PRKG1: variants seen among roughly 807,000 people sequenced by gnomAD.
PRKG1 encodes protein kinase cGMP-dependent 1.
A neutral mutation model predicts 88.1 loss-of-function variants in PRKG1; 35 were observed. That is an observed-to-expected ratio of 0.40 (90% CI 0.30 to 0.53). The LOEUF is 0.53. Ranked by LOEUF, PRKG1 falls within the 20% of genes least tolerant of loss-of-function variation. PRKG1 has a pLI of 0.59. For synonymous variants in PRKG1, 303 were observed against 292.5 expected (o/e 1.04, Z -0.37); for missense variants, 540 against 839.8 (o/e 0.64, Z 4.41).
intron 5 of PRKG1, among the ~76,000 whole-genome samples, chr10:51,932,800 T>A (rs1264946449): frequency 3.3e-5 from 5 of 152,168 alleles, no homozygotes; most frequent in Non-Finnish European, 4.4e-5. Context: ...ATCTATTGAC[T>A]GCTGCCAGTG....
intron 2 of PRKG1, among the ~76,000 whole-genome samples, chr10:51,161,037 T>G (rs1846347364): frequency 6.6e-6 from 1 of 152,152 alleles, no homozygotes; most frequent in South Asian, 2.1e-4. Context: ...AGCCATACAT[T>G]TTTGCTTTTC....
At chr10:51,866,450 C>T (rs927092318) in intron 4 of PRKG1, among the ~76,000 whole-genome samples, 2 of 151,996 alleles carry the variant, frequency 1.3e-5, no homozygotes, top group Non-Finnish European at 2.9e-5. Flanking sequence ...ATAATTATAA[C>T]ATCAGATAGG....
At chr10:52,014,607 T>C (rs1844987600) in intron 5 of PRKG1, among the ~76,000 whole-genome samples, 1 of 152,168 alleles carries the variant, frequency 6.6e-6, no homozygotes, top group South Asian at 2.1e-4. Flanking sequence ...TACCCCAAAG[T>C]CTTAACTCTT....
rs534039231 is a variant in PRKG1 at position 51,122,674 on chromosome 10, A to C, written c.312-30490A>C. On this transcript the variant is annotated intron_variant, in intron 1 of 17. Transcript: ENST00000373980. ...AAGAAAGAAAAAAGCAGCCAGTGAC[A>C]TCCAGCAACTGATCTGATGCTCATA... Among the ~76,000 whole-genome samples the C allele has an allele frequency of 3.9e-5, 6 of 152,330 alleles. No individual in the cohort carries two copies. The East Asian group carries it at 7.7e-4, about 20-fold the overall frequency.
chr10:51,189,462 G>A (rs994097834), intron 2 of PRKG1, among the ~76,000 whole-genome samples: 6 of 151,824 alleles, frequency 4.0e-5, no homozygotes, highest in African/African-American at 1.4e-4. Context: ...ATTCCTATGA[G>A]CAAATAAGGT....
intron 3 of PRKG1, among the ~76,000 whole-genome samples, chr10:51,632,730 G>T (rs1839557608): frequency 6.6e-6 from 1 of 152,198 alleles, no homozygotes; most frequent in African/African-American, 2.4e-5. Flanking sequence ...TAATGGTTCA[G>T]TTGGGGCCAG....
At chr10:51,643,250 C>T (rs1839842712) in intron 3 of PRKG1, among the ~76,000 whole-genome samples, 1 of 152,096 alleles carries the variant, frequency 6.6e-6, no homozygotes, top group Non-Finnish European at 1.5e-5. Context: ...AAAATGTTTC[C>T]TGTCAATGTT....
intron 3 of PRKG1, among the ~76,000 whole-genome samples, chr10:51,673,845 C>A (rs1840643580): frequency 6.6e-6 from 1 of 152,140 alleles, no homozygotes; most frequent in African/African-American, 2.4e-5. Context: ...TAGCCATAAG[C>A]AGCTATTTAT....
At chr10:51,159,956 G>A (rs1846318520) in intron 2 of PRKG1, among the ~76,000 whole-genome samples, 1 of 105,684 alleles carries the variant, frequency 9.5e-6, no homozygotes, top group Non-Finnish European at 1.8e-5. Flanking sequence ...TGGGCAGCCT[G>A]ATGGTGATGG....
chr10:52,146,264 T>C (rs925209814), intron 8 of PRKG1, among the ~76,000 whole-genome samples: 1 of 152,220 alleles, frequency 6.6e-6, no homozygotes, highest in African/African-American at 2.4e-5. Context: ...CATAGAGACA[T>C]ATAAATATAA....
intron 1 of PRKG1, among the ~76,000 whole-genome samples, chr10:51,130,469 G>A (rs1012003483): frequency 6.6e-6 from 1 of 151,944 alleles, no homozygotes; most frequent in African/African-American, 2.4e-5. Context: ...TTATTTCTTG[G>A]TCTGCTCATT....
At chr10:51,211,380 G>A (rs1323033181) in intron 2 of PRKG1, among the ~76,000 whole-genome samples, 1 of 152,116 alleles carries the variant, frequency 6.6e-6, no homozygotes, top group Non-Finnish European at 1.5e-5. Flanking sequence ...ACAAAAACTG[G>A]AAGCATTCCG....
intron 2 of PRKG1, among the ~76,000 whole-genome samples, chr10:51,456,782 T>C (rs1839598097): frequency 6.6e-6 from 1 of 152,050 alleles, no homozygotes; most frequent in African/African-American, 2.4e-5. Context: ...GCTAAGGACA[T>C]GAATAAACAA....
chr10:51,130,850 C>T (rs969240091), intron 1 of PRKG1, among the ~76,000 whole-genome samples: 1 of 151,678 alleles, frequency 6.6e-6, no homozygotes, highest in Non-Finnish European at 1.5e-5. Flanking sequence ...TGCAGTGAGC[C>T]GAGATCTGAG....
rs148259953 is a variant in PRKG1 at position 51,549,897 on chromosome 10, G to T, written c.592+82061G>T. 2.0e-3 allele frequency among the ~76,000 whole-genome samples: 304 copies of T among 152,230 alleles called. 2 individuals carry two copies. The highest frequency in any genetic ancestry group is 3.4e-3 in the Middle Eastern group (1 of 294). The stretch of plus-strand genomic sequence containing the variant: ...AAGCTTTCCATAAACTATTAGTTAG[G>T]ATGGGGGAAGTGTCCTTGCAAGGGA... On this transcript the variant is annotated intron_variant, in intron 3 of 17. Coordinates refer to ENST00000373980, the MANE Select transcript of PRKG1 (RefSeq NM_006258.4).
intron 2 of PRKG1, among the ~76,000 whole-genome samples, chr10:51,337,628 G>A (rs866489505): frequency 2.4e-4 from 37 of 152,090 alleles, no homozygotes; most frequent in African/African-American, 8.2e-4. Context: ...ATATTCATGC[G>A]GCCCACAAAC....
At chr10:51,705,273 G>T (rs1393677609) in intron 3 of PRKG1, among the ~76,000 whole-genome samples, 2 of 151,898 alleles carry the variant, frequency 1.3e-5, no homozygotes, top group Non-Finnish European at 2.9e-5. Context: ...TATATTAGAG[G>T]TATCAATATT....
Position 52,272,435 on chromosome 10 carries a change from A to T in PRKG1, c.1357A>T (p.Met453Leu), listed in dbSNP as rs1841754677. 1 of 1,611,314 alleles carries T rather than the reference A, an allele frequency of 6.2e-7. No individual in the cohort carries two copies. Among genetic ancestry groups the T allele is most frequent in the South Asian group, 1.1e-5 (1 of 90,954 alleles). Reference protein sequence around the residue: ...FKDSKYLYMLMEACLGGELWT... With the variant: ...FKDSKYLYMLLEACLGGELWT... ...GGACAGCAAATATTTGTATATGTTG[A>T]TGGAAGCTTGTCTAGGTGGAGAGCT... is the stretch of plus-strand genomic sequence containing the variant. The change falls in exon 12 of 18, where the codon ATG becomes TTG. Residue 453 changes from methionine to leucine, a missense_variant. By Grantham distance (15) the Met-to-Leu change is conservative. This residue lies in a region of PRKG1 where 400 missense variants were observed against 562.7 expected (regional missense o/e 0.71). Transcript: ENST00000373980.
intron 9 of PRKG1, among the ~76,000 whole-genome samples, chr10:52,240,668 C>T (rs938783042): frequency 1.4e-4 from 21 of 152,090 alleles, no homozygotes; most frequent in Non-Finnish European, 1.0e-4. Context: ...ATTTGATTAA[C>T]GCACCGATCA....
Sources: allele counts gnomAD v4.1 joint callset (sites outside exome capture counted in the v4.1 genomes callset), GRCh38; gene constraint gnomAD v4.1.1; regional missense constraint gnomAD v4.1.1; transcripts MANE v1.5; gene names NCBI Gene and HGNC (gene_info 2026-07-23, HGNC 2026-07-21).